SYNE2: variants seen among roughly 807,000 people sequenced by gnomAD.
SYNE2 encodes spectrin repeat containing nuclear envelope protein 2.
SYNE2 carries 431 observed loss-of-function variants against 856.3 expected under a neutral mutation model. The ratio of observed to expected loss-of-function variants is 0.50; its 90% confidence interval spans 0.47 to 0.55. SYNE2 has a LOEUF of 0.55. SYNE2 is among the 20% of genes least tolerant of loss of function. The pLI, the probability that SYNE2 is intolerant of heterozygous loss-of-function variation, is 0.00. For synonymous variants in SYNE2, 2,923 were observed against 2,872.3 expected (o/e 1.02, Z -0.56); for missense variants, 8,129 against 8,023.2 (o/e 1.01, Z -0.50).
At chr14:63,847,378 G>A (rs564630131) in intron 1 of SYNE2, among the ~76,000 whole-genome samples, 1 of 151,992 alleles carries the variant, frequency 6.6e-6, no homozygotes, top group Admixed American at 6.5e-5. Flanking sequence ...GATCACTTGA[G>A]CCCAGGAGGT....
chr14:64,076,119 C>T lies in SYNE2; in HGVS notation c.11022+19C>T, dbSNP rs1035913306. On this transcript the variant is annotated intron_variant, in intron 54 of 115. Transcript: ENST00000555002. ...TGAGAAGGTAATAATAATGTCTGTA[C>T]TACTGTTATTATTTACGGAGCTGAA... 3 of 1,610,792 alleles carry T rather than the reference C, an allele frequency of 1.9e-6. No individual in the cohort carries two copies. The highest frequency in any genetic ancestry group is 2.2e-5 in the South Asian group (2 of 90,854).
chr14:63,795,046 C>G (rs958467782), intron 1 of SYNE2, among the ~76,000 whole-genome samples: 2 of 152,194 alleles, frequency 1.3e-5, no homozygotes, highest in African/African-American at 2.4e-5. Context: ...GCTAGGATCA[C>G]AGCCATGTGC....
intron 96 of SYNE2, among the ~76,000 whole-genome samples, chr14:64,181,231 T>A (rs1324703607): frequency 6.6e-6 from 1 of 152,244 alleles, no homozygotes; most frequent in Non-Finnish European, 1.5e-5. Flanking sequence ...TTAAATGTGA[T>A]ATTTGGTGGT....
At chr14:64,127,945 G>A (rs2097965631) in intron 73 of SYNE2, among the ~76,000 whole-genome samples, 1 of 152,138 alleles carries the variant, frequency 6.6e-6, no homozygotes, top group Non-Finnish European at 1.5e-5. Context: ...AGTGGTCAGG[G>A]ATTCTGCAGG....
At chr14:63,811,615 G>A (rs540898572) in intron 1 of SYNE2, among the ~76,000 whole-genome samples, 2 of 152,264 alleles carry the variant, frequency 1.3e-5, no homozygotes, top group East Asian at 3.9e-4. Context: ...AACTAAAGTT[G>A]ACTATCTGGG....
chr14:64,132,941 G>A (rs1567405992), intron 77 of SYNE2, among the ~76,000 whole-genome samples: 1 of 152,126 alleles, frequency 6.6e-6, no homozygotes, highest in Admixed American at 6.6e-5. Context: ...AGTGGCTCAC[G>A]CCTGTAATCC....
chr14:64,200,711 CTT>C (rs751105106), intron 99 of SYNE2, among the ~76,000 whole-genome samples: 1 of 152,228 alleles, frequency 6.6e-6, no homozygotes, highest in Non-Finnish European at 1.5e-5. Flanking sequence ...CTCCTTGAAA[CTT>C]ATCACAACTG....
At chr14:63,907,130 G>T (rs949577865) in intron 1 of SYNE2, among the ~76,000 whole-genome samples, 1 of 152,204 alleles carries the variant, frequency 6.6e-6, no homozygotes, top group Non-Finnish European at 1.5e-5. Context: ...AAGTGATGGG[G>T]CATGCAGTCT....
intron 1 of SYNE2, among the ~76,000 whole-genome samples, chr14:63,904,032 T>A (rs2095374387): frequency 6.6e-6 from 1 of 152,196 alleles, no homozygotes; most frequent in Non-Finnish European, 1.5e-5. Context: ...TGTCTATGTG[T>A]TCTCAATGTT....
intron 74 of SYNE2, among the ~76,000 whole-genome samples, 192 bp downstream of exon 74, chr14:64,128,745 AAGG>A (rs2097976884): frequency 6.6e-6 from 1 of 152,236 alleles, no homozygotes; most frequent in Admixed American, 6.5e-5. Context: ...ATTAAAACAA[AAGG>A]AGGCCATTTT....
chr14:63,926,899 A>G (rs186101093), intron 2 of SYNE2, among the ~76,000 whole-genome samples: 142 of 152,348 alleles, frequency 9.3e-4, no homozygotes, highest in Non-Finnish European at 1.7e-3. Context: ...TTTCTTCTGG[A>G]TGCAACACTT....
Position 64,052,343 on chromosome 14 carries a change from C to T in SYNE2, c.8430C>T (p.Asp2810=). ...EGSDLNNTLE[D]LRNQYQMLVL... Reference sequence around the variant, plus strand: ...GTGATTTAAATAATACCCTAGAGGACTTACGGAATCAATACCAAATGCTGG... The same window carrying T: ...GTGATTTAAATAATACCCTAGAGGATTTACGGAATCAATACCAAATGCTGG... Residue 2810 remains aspartate (D), a synonymous_variant, in exon 48 of 116, where the codon GAC becomes GAT. Coordinates refer to ENST00000555002, the MANE Select transcript of SYNE2 (RefSeq NM_182914.3). 1 of 1,614,102 alleles carries T rather than the reference C, an allele frequency of 6.2e-7. No homozygotes were observed. The highest frequency in any genetic ancestry group is 8.5e-7 in the Non-Finnish European group (1 of 1,180,012).
chr14:64,214,413 G>T lies in SYNE2; in HGVS notation c.19276G>T (p.Gly6426Trp). 1 of 1,614,070 alleles carries T rather than the reference G, an allele frequency of 6.2e-7. No homozygotes were observed. The highest frequency in any genetic ancestry group is 1.3e-5 in the African/African-American group (1 of 75,020). Reference sequence around the variant, plus strand: ...GGAGTGGGACCACACAGGCGACGTGGGGGGCTCCTCCTCTCACGAAGAGGA... The same window carrying T: ...GGAGTGGGACCACACAGGCGACGTGTGGGGCTCCTCCTCTCACGAAGAGGA... ...PLEWDHTGDVGGSSSHEEDEE... is the reference protein window; with the variant it reads ...PLEWDHTGDVWGSSSHEEDEE... Residue 6426 changes from glycine (G) to tryptophan (W), a missense_variant, in exon 106 of 116, where the codon GGG becomes TGG. Around this residue, in one of 3 missense-constraint regions of SYNE2, gnomAD observed 5,410 missense variants for 5,284.8 expected, o/e 1.02. Transcript: ENST00000555002.
Position 64,170,440 on chromosome 14 carries a change from G to C in SYNE2, c.17213G>C (p.Arg5738Thr), listed in dbSNP as rs781056677. Residue 5738 changes from arginine (R) to threonine (T), a missense_variant, in exon 94 of 116, where the codon AGA (arginine) becomes ACA (threonine). Arg to Thr is a moderately conservative substitution (Grantham distance 71). Transcript: ENST00000555002. Reference sequence around the variant, plus strand: ...GAGCGCTTCAGCCTCTACCAAACCAGAAGTCTGATCCATGAGCTGAAGGTA... The same window carrying C: ...GAGCGCTTCAGCCTCTACCAAACCACAAGTCTGATCCATGAGCTGAAGGTA... ...GQERFSLYQT[R>T]SLIHELKNKE... 6 of 1,612,854 alleles carry C rather than the reference G, an allele frequency of 3.7e-6. No individual in the cohort carries two copies. The highest frequency in any genetic ancestry group is 5.1e-6 in the Non-Finnish European group (6 of 1,179,550).
chr14:64,107,623 TA>T lies in SYNE2; in HGVS notation c.12609+18del. The T allele has an allele frequency of 6.2e-7, 1 of 1,602,026 alleles. No individual in the cohort carries two copies. Among genetic ancestry groups the T allele is most frequent in the Non-Finnish European group, 8.6e-7 (1 of 1,168,998 alleles). ...AACAGAAGAGGTAAGTCCTGGTTGG[TA>T]ATAAGTAAACTGCTCAGATAGCTGG... On this transcript the variant is annotated intron_variant, in intron 65 of 115. Transcript: ENST00000555002.
intron 58 of SYNE2, among the ~76,000 whole-genome samples, 194 bp from the exon 59 acceptor site, chr14:64,089,369 GAAAAAAAAAAA>G (rs57358817): frequency 0.019 from 968 of 50,522 alleles, 25 homozygotes; most frequent in African/African-American, 0.073. Flanking sequence ...TCCGTCTCAG[GAAAAAAAAAAA>G]AAAAAAAAAA....
chr14:63,901,838 G>A (rs2095341436), intron 1 of SYNE2, among the ~76,000 whole-genome samples: 1 of 152,056 alleles, frequency 6.6e-6, no homozygotes, highest in South Asian at 2.1e-4. Flanking sequence ...GTGGGAGGAT[G>A]ACTTGAGCCC....
chr14:64,214,541 G>A (rs2140250861), intron 106 of SYNE2, 71 bp downstream of exon 106: 2 of 1,457,446 alleles, frequency 1.4e-6, no homozygotes, highest in Admixed American at 2.0e-5. Context: ...TAGCAACACG[G>A]CCAGCTCTCA....
chr14:64,017,875 A>G, intron 34 of SYNE2, 119 bp downstream of exon 34: 4 of 1,030,736 alleles, frequency 3.9e-6, no homozygotes, highest in Non-Finnish European at 5.8e-6. Context: ...CAAGAAAATC[A>G]CAGACATTTT....
Sources: gnomAD v4.1 joint callset for allele counts (sites outside exome capture counted in the v4.1 genomes callset) on GRCh38, gnomAD v4.1.1 for gene constraint, gnomAD v4.1.1 regional missense constraint, MANE v1.5 for transcripts, NCBI Gene and HGNC (gene_info 2026-07-23, HGNC 2026-07-21) for gene names.